NACAD: variants seen among roughly 807,000 people sequenced by gnomAD.
The protein encoded by NACAD is NAC alpha domain containing, also known as NAC-alpha domain-containing protein 1.
In NACAD, 47 loss-of-function variants were observed where a neutral mutation model predicts 98.9. The observed-to-expected ratio is 0.48, with a 90% CI of 0.38 to 0.61. NACAD has a LOEUF of 0.61. NACAD is among the 20% of genes least tolerant of loss of function. The pLI, the probability that NACAD is intolerant of heterozygous loss-of-function variation, is 0.00. For synonymous variants in NACAD, 696 were observed against 767.2 expected (o/e 0.91, Z 1.53); for missense variants, 1,412 against 1,748.2 (o/e 0.81, Z 3.43).
Position 45,081,354 on chromosome 7 carries a change from C to T in NACAD, c.4258-91G>A, listed in dbSNP as rs1784427983. 4 of 1,485,370 alleles carry T rather than the reference C, an allele frequency of 2.7e-6. No homozygotes were observed. The African/African-American group carries it at 4.2e-5, about 16-fold the overall frequency. 92.0% of individuals were successfully genotyped at this position (1,485,370 alleles called of 1,614,324 possible). On this transcript the variant is annotated intron_variant, in intron 4 of 7. Coordinates refer to ENST00000490531, the MANE Select transcript of NACAD (RefSeq NM_001146334.2). The stretch of plus-strand genomic sequence containing the variant: ...ACAGTGCCCAGGAAGGCAAAGTCTC[C>T]ACCGCCAACTTCCCCAAGACCTTGG...
At chr7:45,087,351 T>C (rs1175131591) in intron 1 of NACAD, among the ~76,000 whole-genome samples, 1 of 152,256 alleles carries the variant, frequency 6.6e-6, no homozygotes, top group African/African-American at 2.4e-5. Context: ...GTCTCCATTA[T>C]GTCCACTCCC....
In NACAD at chr7:45,082,347, T is replaced by TG. The variant is rs1208849408; in HGVS notation, c.3832dup (p.Gln1278ProfsTer75). The TG allele has an allele frequency of 6.5e-7, 1 of 1,550,272 alleles. No homozygotes were observed. The highest frequency in any genetic ancestry group is 2.4e-5 in the East Asian group (1 of 40,926). ...TCCTGAGACAGCAGCAGCGGCAGGCTGGACTCCTGCCTGGGGCGGTGGGAG... is the reference window on the plus strand; with the variant it reads ...TCCTGAGACAGCAGCAGCGGCAGGCTGGGACTCCTGCCTGGGGCGGTGGGAG... On this transcript the variant is annotated frameshift_variant, in exon 2 of 8. Coordinates refer to ENST00000490531, the MANE Select transcript of NACAD (RefSeq NM_001146334.2). LOFTEE classifies it high-confidence loss of function. This position sits in a 1 kb window ranked among gnomAD's most constrained non-coding sequence, Gnocchi z 4.5.
intron 1 of NACAD, 138 bp from the exon 2 acceptor site, chr7:45,086,250 C>T (rs967493248): frequency 2.2e-6 from 2 of 917,280 alleles, no homozygotes; most frequent in Non-Finnish European, 3.2e-6. Context: ...AGAGAAGACC[C>T]TCTGCACGCT....
Position 45,085,859 on chromosome 7 carries a change from C to T in NACAD, c.321G>A (p.Thr107=), listed in dbSNP as rs756157726. Residue 107 remains threonine (T), a synonymous_variant, in exon 2 of 8, where the codon ACG becomes ACA. Transcript: ENST00000490531. This position sits in a 1 kb window ranked among gnomAD's most constrained non-coding sequence, Gnocchi z 6.1. ...PEGLSSQALS[T]EAPLPATLEP... Reference sequence around the variant, plus strand: ...CCAGGGTGGCCGGGAGAGGAGCCTCCGTGGACAGAGCCTGGGAAGACAGGC... The same window carrying T: ...CCAGGGTGGCCGGGAGAGGAGCCTCTGTGGACAGAGCCTGGGAAGACAGGC... 42 of 1,546,118 alleles carry T rather than the reference C, an allele frequency of 2.7e-5. No homozygotes were observed. Among genetic ancestry groups the T allele is most frequent in the African/African-American group, 2.5e-4 (18 of 73,086 alleles).
Position 45,082,840 on chromosome 7 carries a change from C to T in NACAD, c.3340G>A (p.Val1114Ile). 1.3e-6 allele frequency: 2 copies of T among 1,550,072 alleles called. No individual in the cohort carries two copies. Among genetic ancestry groups the T allele is most frequent in the South Asian group, 1.2e-5 (1 of 84,028 alleles). Residue 1114 changes from valine to isoleucine, a missense_variant, in exon 2 of 8, where the codon GTC becomes ATC. By Grantham distance (29) the Val-to-Ile change is conservative. Around this residue, in one of 5 missense-constraint regions of NACAD, gnomAD observed 572 missense variants for 639.6 expected, o/e 0.89. Transcript: ENST00000490531. This position sits in a 1 kb window ranked among gnomAD's most constrained non-coding sequence, Gnocchi z 4.5. ...PDAPPAACPE[V>I]SQARLLSPAR... Reference sequence around the variant, plus strand: ...GGGCTCAGGAGCCGGGCCTGGCTGACCTCAGGGCAGGCAGCAGGAGGCGCA... The same window carrying T: ...GGGCTCAGGAGCCGGGCCTGGCTGATCTCAGGGCAGGCAGCAGGAGGCGCA...
chr7:45,085,359 G>C lies in NACAD; in HGVS notation c.821C>G (p.Pro274Arg). ...ELHPAGTPEP[P>R]SSESSLSADS... is the part of the protein sequence containing the mutation. ...TGCAGAGAGGCTGGACTCAGAGGAC[G>C]GGGGCTCTGGGGTCCCTGCTGGGTG... Residue 274 changes from proline to arginine, a missense_variant, in exon 2 of 8, where the codon CCG becomes CGG. Pro to Arg is a moderately radical substitution (Grantham distance 103, BLOSUM62 -2). Transcript: ENST00000490531. This position sits in a 1 kb window ranked among gnomAD's most constrained non-coding sequence, Gnocchi z 6.1. 1 of 1,550,012 alleles carries C rather than the reference G, an allele frequency of 6.5e-7. No homozygotes were observed.
rs749150158 is a variant in NACAD at position 45,083,032 on chromosome 7, G to A, written c.3148C>T (p.Arg1050Trp). ...GCTCGCGCTTCCAGACATGCTTCCC[G>A]TCCAGGCCTAGAAAGGGCTTCTGCT... Reference protein sequence around the residue: ...EIAEALSRPGREACLEARAHT... With the variant: ...EIAEALSRPGWEACLEARAHT... The change falls in exon 2 of 8, where the codon CGG becomes TGG. Residue 1050 changes from arginine (R) to tryptophan (W), a missense_variant. Transcript: ENST00000490531. 1.9e-5 allele frequency: 30 copies of A among 1,550,766 alleles called. No individual in the cohort carries two copies. Among genetic ancestry groups the A allele is most frequent in the South Asian group, 3.6e-5 (3 of 84,068 alleles).
chr7:45,082,277 A>G lies in NACAD; in HGVS notation c.3903T>C (p.Pro1301=). 1 of 1,550,570 alleles carries G rather than the reference A, an allele frequency of 6.4e-7. No homozygotes were observed. The highest frequency in any genetic ancestry group is 2.4e-5 in the East Asian group (1 of 40,902). ...LGTGPRVSLS[P]HSPLLSPKVA... ...CCTTGGGGCTGAGGAGTGGGGAGTG[A>G]GGCGAGAGGCTGACTCGCGGCCCAG... The change falls in exon 2 of 8, where the codon CCT becomes CCC. Residue 1301 remains proline, a synonymous_variant. Coordinates refer to ENST00000490531, the MANE Select transcript of NACAD (RefSeq NM_001146334.2). The surrounding 1 kb of genome is among the most constrained non-coding windows in gnomAD (Gnocchi z 4.5).
At position 45,085,540 on chromosome 7, in the gene NACAD, C is replaced by A. The variant is rs906381585; in HGVS notation, c.640G>T (p.Ala214Ser). Residue 214 changes from alanine to serine, a missense_variant, in exon 2 of 8, where the codon GCC becomes TCC. Ala to Ser is a moderately conservative substitution (Grantham distance 99). Transcript: ENST00000490531. This position sits in a 1 kb window ranked among gnomAD's most constrained non-coding sequence, Gnocchi z 6.1. The part of the protein sequence containing the change: ...LRDELLDSPP[A>S]SPSGSYITAD... ...GTAATGTAGGAGCCCGAGGGTGAGG[C>A]GGGGGGCGAGTCCAGCAGCTCATCC... The A allele has an allele frequency of 6.5e-7, 1 of 1,550,078 alleles. No individual in the cohort carries two copies. The highest frequency in any genetic ancestry group is 8.7e-7 in the Non-Finnish European group (1 of 1,146,824).
In NACAD at chr7:45,085,262, G is replaced by T. The variant is rs373123243; in HGVS notation, c.918C>A (p.Ile306=). The part of the protein sequence containing the change: ...DLDFLANDPM[I]PAALLPFQGS... ...CCTGGAAGGGTAGGAGGGCTGCGGGGATCATTGGGTCATTGGCCAGGAAGT... is the reference window on the plus strand; with the variant it reads ...CCTGGAAGGGTAGGAGGGCTGCGGGTATCATTGGGTCATTGGCCAGGAAGT... The change falls in exon 2 of 8, where the codon ATC becomes ATA. Residue 306 remains isoleucine (I), a synonymous_variant. Transcript: ENST00000490531. This position sits in a 1 kb window ranked among gnomAD's most constrained non-coding sequence, Gnocchi z 6.1. 2.3e-3 allele frequency: 3,526 copies of T among 1,551,378 alleles called. 5 individuals are homozygous for T. Among genetic ancestry groups the T allele is most frequent in the Non-Finnish European group, 2.9e-3 (3,324 of 1,146,958 alleles).
chr7:45,088,460 C>G lies in NACAD; in HGVS notation c.67+368G>C, dbSNP rs1784555552. The stretch of plus-strand genomic sequence containing the variant: ...TCGTACTGGGGGTATCAGCCGGACA[C>G]CCCGCCTCCAGAACCCGCTGCCTCT... On this transcript the variant is annotated intron_variant, in intron 1 of 7. Transcript: ENST00000490531. This position sits in a 1 kb window ranked among gnomAD's most constrained non-coding sequence, Gnocchi z 5.7. 6.6e-6 allele frequency among the ~76,000 whole-genome samples: 1 copy of G among 152,196 alleles called. No individual in the cohort carries two copies. Among genetic ancestry groups the G allele is most frequent in the South Asian group, 2.1e-4 (1 of 4,830 alleles).
chr7:45,081,113 A>G lies in NACAD; in HGVS notation c.4404+4T>C. The stretch of plus-strand genomic sequence containing the variant: ...CCCCATTCCACCACAGCCGCCACCC[A>G]GACCTTGGCCTCGCCAAAGACCACA... On this transcript the variant is annotated splice_donor_region_variant and intron_variant, in intron 5 of 7. Coordinates refer to ENST00000490531, the MANE Select transcript of NACAD (RefSeq NM_001146334.2). 6.4e-7 allele frequency: 1 copy of G among 1,551,410 alleles called. No individual in the cohort carries two copies. Among genetic ancestry groups the G allele is most frequent in the Non-Finnish European group, 8.7e-7 (1 of 1,146,968 alleles).
chr7:45,081,939 C>A, intron 2 of NACAD, 72 bp from the exon 3 acceptor site: 3 of 1,474,766 alleles, frequency 2.0e-6, no homozygotes, highest in Admixed American at 2.0e-5. Context: ...AGGACCCTGG[C>A]CCTGCTGCCA....
rs1031084809 is a variant in NACAD, at chr7:45,082,749, G to T, written c.3431C>A (p.Ala1144Asp). Residue 1144 changes from alanine (A) to aspartate (D), a missense_variant, in exon 2 of 8, where the codon GCC (alanine) becomes GAC (aspartate). By Grantham distance (126) the Ala-to-Asp change is moderately radical (BLOSUM62 -2). Coordinates refer to ENST00000490531, the MANE Select transcript of NACAD (RefSeq NM_001146334.2). This position sits in a 1 kb window ranked among gnomAD's most constrained non-coding sequence, Gnocchi z 4.5. ...TPEPTLPSAV[A>D]TEASLDSCPE... is the part of the protein sequence containing the mutation. Reference sequence around the variant, plus strand: ...GCAGGAGTCCAGACTGGCCTCTGTGGCCACAGCTGAGGGAAGCGTGGGCTC... The same window carrying T: ...GCAGGAGTCCAGACTGGCCTCTGTGTCCACAGCTGAGGGAAGCGTGGGCTC... The T allele has an allele frequency of 6.5e-7, 1 of 1,546,344 alleles. No individual in the cohort carries two copies.
chr7:45,087,590 T>G (rs1026506961), intron 1 of NACAD, among the ~76,000 whole-genome samples: 1 of 152,146 alleles, frequency 6.6e-6, no homozygotes, highest in African/African-American at 2.4e-5. Context: ...AGGATTAGAG[T>G]TGAAGCTGAA....
rs1303863147 is a variant in NACAD at position 45,081,189 on chromosome 7, G to A, written c.4332C>T (p.Leu1444=). The part of the protein sequence containing the change: ...RITIQKSKNI[L]FVIAKPDVFK... ...AGACATCAGGCTTGGCGATGACAAA[G>A]AGGATGTTCTTGGACTTCTGGATGG... The change falls in exon 5 of 8, where the codon CTC becomes CTT. Residue 1444 remains leucine, a synonymous_variant. Coordinates refer to ENST00000490531, the MANE Select transcript of NACAD (RefSeq NM_001146334.2). 2.3e-5 allele frequency: 35 copies of A among 1,551,546 alleles called. No individual in the cohort carries two copies. The East Asian group carries it at 7.8e-4, about 35-fold the overall frequency.
At position 45,085,857 on chromosome 7, in the gene NACAD, T is replaced by G; in HGVS notation, c.323A>C (p.Glu108Ala). 1.3e-6 allele frequency: 2 copies of G among 1,545,968 alleles called. No homozygotes were observed. The highest frequency in any genetic ancestry group is 1.7e-6 in the Non-Finnish European group (2 of 1,145,168). ...EGLSSQALSTEAPLPATLEPR... is the reference protein window; with the variant it reads ...EGLSSQALSTAAPLPATLEPR... ...CTCCAGGGTGGCCGGGAGAGGAGCCTCCGTGGACAGAGCCTGGGAAGACAG... is the reference window on the plus strand; with the variant it reads ...CTCCAGGGTGGCCGGGAGAGGAGCCGCCGTGGACAGAGCCTGGGAAGACAG... Residue 108 changes from glutamate (E) to alanine (A), a missense_variant, in exon 2 of 8, where the codon GAG (glutamate) becomes GCG (alanine). Physicochemically the swap from Glu to Ala is moderately radical, Grantham distance 107 (BLOSUM62 -1). Transcript: ENST00000490531. The surrounding 1 kb of genome is among the most constrained non-coding windows in gnomAD (Gnocchi z 6.1).
rs1032317099 is a variant in NACAD, at chr7:45,083,240, C to T, written c.2940G>A (p.Glu980=). Residue 980 remains glutamate (E), a synonymous_variant, in exon 2 of 8, where the codon GAG becomes GAA. Transcript: ENST00000490531. ...GEALGPRPAP[E]EKNAALPTVP... ...CTGTAGGGAGGGCTGCATTCTTCTC[C>T]TCAGGTGCTGGCCTGGGGCCTAAGG... is the stretch of plus-strand genomic sequence containing the variant. The T allele has an allele frequency of 6.4e-7, 1 of 1,550,980 alleles. No homozygotes were observed. The highest frequency in any genetic ancestry group is 8.7e-7 in the Non-Finnish European group (1 of 1,146,952).
At position 45,086,098 on chromosome 7, in the gene NACAD, C is replaced by A; in HGVS notation, c.82G>T (p.Ala28Ser). 6.5e-7 allele frequency: 1 copy of A among 1,535,808 alleles called. No individual in the cohort carries two copies. Among genetic ancestry groups the A allele is most frequent in the Admixed American group, 2.0e-5 (1 of 50,994 alleles). Residue 28 changes from alanine (A) to serine (S), a missense_variant, in exon 2 of 8, where the codon GCG becomes TCG. Transcript: ENST00000490531. The part of the protein sequence containing the change: ...PGPRTDLSCD[A>S]AAATTILGGD... ...CCCAGGATGGTGGTGGCAGCGGCCG[C>A]ATCGCAGGACAGATCTGTGGAGATA...
Sources: gnomAD v4.1 joint callset for allele counts (sites outside exome capture counted in the v4.1 genomes callset) on GRCh38, gnomAD v4.1.1 for gene constraint, gnomAD v4.1.1 regional missense constraint, Gnocchi (gnomAD v3.1) non-coding constraint, MANE v1.5 for transcripts, NCBI Gene and HGNC (gene_info 2026-07-23, HGNC 2026-07-21) for gene names.